The following ANO3 variants were observed in gnomAD, a reference collection of about 807,000 sequenced individuals.
ANO3 encodes anoctamin-3.
A neutral mutation model predicts 144.8 loss-of-function variants in ANO3; 99 were observed. The ratio of observed to expected loss-of-function variants is 0.68; its 90% CI spans 0.58 to 0.81. The LOEUF is 0.81. ANO3 is among the 30% of genes least tolerant of loss of function. The pLI, the probability that ANO3 is intolerant of heterozygous loss-of-function variation, is 0.00. For missense variants in ANO3, 905 were observed against 1,202.2 expected, an observed-to-expected ratio of 0.75 and a Z score of 3.66; for synonymous variants, 414 against 392.6, an observed-to-expected ratio of 1.05 and a Z score of -0.64.
In ANO3 at chr11:26,357,526, GT is replaced by G. The variant is rs752454747; in HGVS notation, c.46+25215del. Among the ~76,000 whole-genome samples, 14 of 145,716 alleles carry G rather than the reference GT, an allele frequency of 9.6e-5. 1 individual carries two copies. Among genetic ancestry groups the G allele is most frequent in the South Asian group, 2.2e-4 (1 of 4,580 alleles). Reference sequence around the variant, plus strand: ...ATAATGTATCTTTTCAATTTTTTCTGTTTTTTTTTTAAATCAGGTCATCAGT... The same window carrying G: ...ATAATGTATCTTTTCAATTTTTTCTGTTTTTTTTTAAATCAGGTCATCAGT... On this transcript the variant is annotated intron_variant, in intron 1 of 26. Transcript: ENST00000256737.
intron 1 of ANO3, among the ~76,000 whole-genome samples, chr11:26,302,410 G>A (rs1417574033): frequency 6.6e-6 from 1 of 152,094 alleles, no homozygotes; most frequent in African/African-American, 2.4e-5. Context: ...CAGGAGAATC[G>A]CTTGAACCTG....
chr11:26,195,970 G>C (rs1041797066), intron 1 of ANO3, among the ~76,000 whole-genome samples: 3 of 152,128 alleles, frequency 2.0e-5, no homozygotes, highest in Admixed American at 2.0e-4. Flanking sequence ...GTGAGATGTT[G>C]CCCCATTTCT....
intron 10 of ANO3, among the ~76,000 whole-genome samples, chr11:26,539,752 C>G (rs762592177): frequency 6.6e-6 from 1 of 152,098 alleles, no homozygotes; most frequent in Non-Finnish European, 1.5e-5. Context: ...ATATCAAATG[C>G]GTAAAATACC....
At chr11:26,357,545 T>G (rs896006918) in intron 1 of ANO3, among the ~76,000 whole-genome samples, 3 of 152,000 alleles carry the variant, frequency 2.0e-5, no homozygotes, top group African/African-American at 7.2e-5. Context: ...TTAAATCAGG[T>G]CATCAGTGTT....
At chr11:26,602,827 A>G (rs1678982053) in intron 17 of ANO3, among the ~76,000 whole-genome samples, 1 of 151,918 alleles carries the variant, frequency 6.6e-6, no homozygotes, top group Non-Finnish European at 1.5e-5. Context: ...GTACCCATTG[A>G]TCAACGTCCC....
chr11:26,587,588 T>A (rs1467101279), intron 14 of ANO3, among the ~76,000 whole-genome samples: 1 of 152,172 alleles, frequency 6.6e-6, no homozygotes, highest in Non-Finnish European at 1.5e-5. Flanking sequence ...GAATGGCATA[T>A]GGTCATCCCA....
chr11:26,531,246 A>C lies in ANO3; in HGVS notation c.779A>C (p.Gln260Pro), dbSNP rs1248607026. ...AGAAGAATCAAAAACTGGATGGCCC[A>C]AAACCCAATGGTTCTTGACAAGTCA... ...YFRRIKNWMAQNPMVLDKSAF... is the reference protein window; with the variant it reads ...YFRRIKNWMAPNPMVLDKSAF... Residue 260 changes from glutamine (Q) to proline (P), a missense_variant, in exon 8 of 27, where the codon CAA becomes CCA. Gln to Pro is a moderately conservative substitution (Grantham distance 76). This residue lies in a region of ANO3 where 71 missense variants were observed against 57.9 expected (regional missense o/e 1.23). Coordinates refer to ENST00000256737, the MANE Select transcript of ANO3 (RefSeq NM_031418.4). 3 of 1,613,960 alleles carry C rather than the reference A, an allele frequency of 1.9e-6. No homozygotes were observed. Among genetic ancestry groups the C allele is most frequent in the African/African-American group, 2.7e-5 (2 of 74,936 alleles).
chr11:26,382,686 A>G (rs1288038444), intron 1 of ANO3, among the ~76,000 whole-genome samples: 2 of 152,144 alleles, frequency 1.3e-5, no homozygotes, highest in African/African-American at 4.8e-5. Flanking sequence ...TACAACAGTG[A>G]TGAACTAGCC....
chr11:26,563,794 C>T (rs920976580), intron 14 of ANO3, among the ~76,000 whole-genome samples: 5 of 151,790 alleles, frequency 3.3e-5, no homozygotes, highest in African/African-American at 1.2e-4. Flanking sequence ...CACAAATAAA[C>T]CAAGGCAAGA....
intron 12 of ANO3, among the ~76,000 whole-genome samples, chr11:26,552,701 A>G (rs1228506407): frequency 2.0e-5 from 3 of 151,606 alleles, no homozygotes; most frequent in East Asian, 1.9e-4. Context: ...AATATAAACT[A>G]TGGCATGTCA....
chr11:26,300,393 C>T (rs1209195066), intron 1 of ANO3, among the ~76,000 whole-genome samples: 2 of 151,982 alleles, frequency 1.3e-5, no homozygotes, highest in African/African-American at 2.4e-5. Context: ...CGACATTTGC[C>T]CCCCATTTTA....
intron 1 of ANO3, among the ~76,000 whole-genome samples, chr11:26,227,868 T>G (rs1852288529): frequency 6.6e-6 from 1 of 152,240 alleles, no homozygotes; most frequent in Admixed American, 6.5e-5. Flanking sequence ...ATTTAAATTT[T>G]TTTAAACCTA....
intron 4 of ANO3, among the ~76,000 whole-genome samples, chr11:26,499,886 A>G (rs1239820555): frequency 6.6e-6 from 1 of 151,910 alleles, no homozygotes. Flanking sequence ...GGATTGTGCA[A>G]CCATCCCCAC....
At chr11:26,269,844 C>T (rs1853403219) in intron 1 of ANO3, among the ~76,000 whole-genome samples, 1 of 152,196 alleles carries the variant, frequency 6.6e-6, no homozygotes, top group African/African-American at 2.4e-5. Context: ...TCCGAAATCC[C>T]CAGTACCTCT....
chr11:26,636,000 C>A (rs959391533), intron 20 of ANO3, among the ~76,000 whole-genome samples: 4 of 152,172 alleles, frequency 2.6e-5, no homozygotes, highest in Admixed American at 6.5e-5. Flanking sequence ...GAGTTTGAGA[C>A]CGGTCTGGGC....
intron 1 of ANO3, among the ~76,000 whole-genome samples, chr11:26,228,227 A>G (rs951459310): frequency 1.3e-4 from 20 of 152,202 alleles, no homozygotes; most frequent in Non-Finnish European, 1.2e-4. Flanking sequence ...CTCTGTTTTT[A>G]TGGCTTCTAC....
intron 1 of ANO3, among the ~76,000 whole-genome samples, chr11:26,275,223 A>T (rs531356828): frequency 2.0e-5 from 3 of 152,122 alleles, no homozygotes; most frequent in African/African-American, 7.2e-5. Flanking sequence ...ATTTAGATTC[A>T]TGCTGCTAAA....
intron 13 of ANO3, among the ~76,000 whole-genome samples, chr11:26,558,760 G>A (rs759088772): frequency 4.6e-5 from 7 of 152,026 alleles, no homozygotes; most frequent in South Asian, 4.2e-4. Context: ...ACTGAAATAC[G>A]TATTACTGTT....
upstream of ANO3, among the ~76,000 whole-genome samples, chr11:26,305,474 C>G (rs1174004360): frequency 6.6e-6 from 1 of 151,706 alleles, no homozygotes; most frequent in Admixed American, 6.6e-5. Context: ...TCCACCGAGA[C>G]AGAAGAGAGA....
Sources: allele counts gnomAD v4.1 joint callset (sites outside exome capture counted in the v4.1 genomes callset), GRCh38; gene constraint gnomAD v4.1.1; regional missense constraint gnomAD v4.1.1; transcripts MANE v1.5; gene names NCBI Gene and HGNC (gene_info 2026-07-23, HGNC 2026-07-21).